The following TRIM25 variants were observed in gnomAD, a reference collection of about 807,000 sequenced individuals.
TRIM25 encodes tripartite motif containing 25.
TRIM25 carries 45 observed loss-of-function variants against 65.2 expected under a neutral mutation model. The ratio of observed to expected loss-of-function variants is 0.69; its 90% CI spans 0.54 to 0.89. TRIM25 has a LOEUF of 0.89. TRIM25 is among the 40% of genes least tolerant of loss of function. The pLI is 0.00. For synonymous variants in TRIM25, 321 were observed against 340.4 expected, an observed-to-expected ratio of 0.94 and a Z score of 0.63; for missense variants, 714 against 803.7, an observed-to-expected ratio of 0.89 and a Z score of 1.35.
chr17:56,899,161 G>A lies in TRIM25; in HGVS notation c.1107C>T (p.Asp369=). 6.2e-7 allele frequency: 1 copy of A among 1,614,024 alleles called. No individual in the cohort carries two copies. Among genetic ancestry groups the A allele is most frequent in the Non-Finnish European group, 8.5e-7 (1 of 1,179,990 alleles). Reference sequence around the variant, plus strand: ...GTGTGGATTTGTGTGTGGACGCTGGGTCATGCTCTCCAGGGTCACCTGTGT... The same window carrying A: ...GTGTGGATTTGTGTGTGGACGCTGGATCATGCTCTCCAGGGTCACCTGTGT... ...TPSSGDPGEH[D]PASTHKSTRP... Residue 369 remains aspartate, a synonymous_variant, in exon 5 of 9, where the codon GAC becomes GAT. Transcript: ENST00000316881.
At chr17:56,901,630 G>T (rs1452532132) in intron 3 of TRIM25, 52 bp from the exon 4 acceptor site, 1 of 1,606,968 alleles carries the variant, frequency 6.2e-7, no homozygotes, top group Admixed American at 1.7e-5. Flanking sequence ...ACGGGGACCT[G>T]GGCTCAGTCC....
At chr17:56,901,356 T>A (rs1190382779) in intron 4 of TRIM25, 63 bp downstream of exon 4, 7 of 1,546,174 alleles carry the variant, frequency 4.5e-6, no homozygotes, top group Non-Finnish European at 3.5e-6. Context: ...TCCCAAAACA[T>A]TTAGGGGACC....
In TRIM25 at chr17:56,890,629, A is replaced by G. The variant is rs929978768; in HGVS notation, c.*1071T>C. 4.4e-6 allele frequency: 2 copies of G among 456,544 alleles called. No individual in the cohort carries two copies. Among genetic ancestry groups the G allele is most frequent in the African/African-American group, 4.0e-5 (2 of 50,062 alleles). 28.3% of individuals were successfully genotyped at this position (456,544 alleles called of 1,614,324 possible). The stretch of plus-strand genomic sequence containing the variant: ...GGCAGCCGCATAGCCTGTCTGCATG[A>G]TAGCAGGCTTCAGGGATCCAGCTTA... On this transcript the variant is annotated 3_prime_UTR_variant, in exon 9 of 9. Transcript: ENST00000316881.
At position 56,900,739 on chromosome 17, in the gene TRIM25, G is replaced by A. The variant is rs931074904; in HGVS notation, c.1087+680C>T. Reference sequence around the variant, plus strand: ...CAGAGGAGAGTGGGGGGCGCCTTGGGGCTGGAGAGAGACCAACAGGGCTTG... The same window carrying A: ...CAGAGGAGAGTGGGGGGCGCCTTGGAGCTGGAGAGAGACCAACAGGGCTTG... On this transcript the variant is annotated intron_variant, in intron 4 of 8. Coordinates refer to ENST00000316881, the MANE Select transcript of TRIM25 (RefSeq NM_005082.5). 3.5e-4 allele frequency among the ~76,000 whole-genome samples: 53 copies of A among 152,196 alleles called. 1 individual carries two copies. Among genetic ancestry groups the A allele is most frequent in the Non-Finnish European group, 8.8e-5 (6 of 68,040 alleles).
chr17:56,894,539 C>G (rs995235482), intron 8 of TRIM25, among the ~76,000 whole-genome samples: 5 of 152,194 alleles, frequency 3.3e-5, no homozygotes, highest in South Asian at 2.1e-4. Context: ...CATGAGCCAC[C>G]GCACCCAGCT....
At position 56,889,561 on chromosome 17, in the gene TRIM25, A is replaced by G. The variant is rs961320586; in HGVS notation, c.*2139T>C. ...TGCACTCCTCAATTTACAACTCCAA[A>G]GCACCTTGCACAGAGCTTGGCTTTG... On this transcript the variant is annotated 3_prime_UTR_variant, in exon 9 of 9. Transcript: ENST00000316881. The G allele has an allele frequency of 1.5e-5, 6 of 392,740 alleles. No individual in the cohort carries two copies. Among genetic ancestry groups the G allele is most frequent in the Admixed American group, 1.3e-4 (3 of 22,514 alleles). 24.3% of individuals were successfully genotyped at this position (392,740 alleles called of 1,614,324 possible).
chr17:56,907,458 A>G (rs1268790445), intron 2 of TRIM25, among the ~76,000 whole-genome samples: 1 of 152,276 alleles, frequency 6.6e-6, no homozygotes, highest in Non-Finnish European at 1.5e-5. Flanking sequence ...AGTATGTGAC[A>G]GAGCTGGTAT....
chr17:56,912,130 AC>A (rs1378236637), intron 1 of TRIM25: 5 of 152,278 alleles, frequency 3.3e-5, no homozygotes, highest in African/African-American at 1.2e-4. Flanking sequence ...GTCTCCTCTG[AC>A]AACACGAAGA....
At chr17:56,898,165 C>T (rs949061654) in intron 5 of TRIM25, among the ~76,000 whole-genome samples, 7 of 151,858 alleles carry the variant, frequency 4.6e-5, no homozygotes, top group African/African-American at 9.7e-5. Flanking sequence ...GGCATGTCAG[C>T]GGTATATGGA....
intron 8 of TRIM25, among the ~76,000 whole-genome samples, chr17:56,894,854 C>T (rs1247106029): frequency 2.0e-5 from 3 of 152,152 alleles, no homozygotes; most frequent in Non-Finnish European, 4.4e-5. Context: ...AATAACAGAG[C>T]AGGGGGAGCC....
intron 1 of TRIM25, among the ~76,000 whole-genome samples, chr17:56,911,060 T>C (rs1909617368): frequency 6.6e-6 from 1 of 151,068 alleles, no homozygotes; most frequent in South Asian, 2.1e-4. Flanking sequence ...AGGTTGGGAG[T>C]TCAAGACCAG....
chr17:56,891,006 A>G lies in TRIM25; in HGVS notation c.*694T>C, dbSNP rs530981465. The G allele has an allele frequency of 1.2e-5, 5 of 429,238 alleles. No individual in the cohort carries two copies. Among genetic ancestry groups the G allele is most frequent in the East Asian group, 7.2e-5 (1 of 13,962 alleles). 26.6% of individuals were successfully genotyped at this position (429,238 alleles called of 1,614,324 possible). A position where few individuals can be genotyped will look rare whatever the true frequency, so the allele number is the denominator to read the frequency against. The stretch of plus-strand genomic sequence containing the variant: ...ACAAATCCAACACAGGCTGATTCCA[A>G]TCATGGTTTGAAGCTTTAGCTGAAA... On this transcript the variant is annotated 3_prime_UTR_variant, in exon 9 of 9. Coordinates refer to ENST00000316881, the MANE Select transcript of TRIM25 (RefSeq NM_005082.5).
chr17:56,913,481 C>T lies in TRIM25; in HGVS notation c.508G>A (p.Glu170Lys), dbSNP rs1216733443. 1 of 1,613,222 alleles carries T rather than the reference C, an allele frequency of 6.2e-7. No individual in the cohort carries two copies. Among genetic ancestry groups the T allele is most frequent in the Non-Finnish European group, 8.5e-7 (1 of 1,179,550 alleles). Residue 170 changes from glutamate (E) to lysine (K), a missense_variant, in exon 1 of 9, where the codon GAG becomes AAG. Physicochemically the swap from Glu to Lys is moderately conservative, Grantham distance 56. Transcript: ENST00000316881. The surrounding 1 kb of genome is among the most constrained non-coding windows in gnomAD (Gnocchi z 6.1). ...ATGTGGCAGATGCACTCGCTGTGCT[C>T]GGGGCAGAAAAATTCCCGCAGCCGA... Reference protein sequence around the residue: ...HNRLREFFCPEHSECICHICL... With the variant: ...HNRLREFFCPKHSECICHICL...
intron 7 of TRIM25, 30 bp downstream of exon 7, chr17:56,895,491 C>A (rs1467012855): frequency 2.5e-6 from 4 of 1,613,860 alleles, no homozygotes; most frequent in African/African-American, 2.7e-5. Flanking sequence ...AGAGTGGACA[C>A]CCCAAAGCTC....
Position 56,895,608 on chromosome 17 carries a change from G to A in TRIM25, c.1181-4C>T. On this transcript the variant is annotated splice_polypyrimidine_tract_variant and splice_region_variant and intron_variant, in intron 6 of 8. Coordinates refer to ENST00000316881, the MANE Select transcript of TRIM25 (RefSeq NM_005082.5). ...CTGGGTAAGGCAGGGACAGGGGCTG[G>A]GGGTAAGGAAAGGGAAATATGATAC... The A allele has an allele frequency of 6.4e-7, 1 of 1,552,638 alleles. No homozygotes were observed. The highest frequency in any genetic ancestry group is 8.7e-7 in the Non-Finnish European group (1 of 1,148,832).
rs778271291 is a variant in TRIM25, at chr17:56,904,415, T to G, written c.767A>C (p.Glu256Ala). ...TEMKALLDAS[E>A]TTSTRKIKEE... is the part of the protein sequence containing the mutation. ...CTTTATCTTCCTTGTCGAGGTGGTC[T>G]CTGAGGCGTCCAAGAGAGCCTTCAT... Residue 256 changes from glutamate to alanine, a missense_variant, in exon 3 of 9, where the codon GAG becomes GCG. Transcript: ENST00000316881. 2 of 1,614,172 alleles carry G rather than the reference T, an allele frequency of 1.2e-6. No homozygotes were observed. The highest frequency in any genetic ancestry group is 4.5e-5 in the East Asian group (2 of 44,880).
At chr17:56,897,850 C>G (rs936341901) in intron 5 of TRIM25, among the ~76,000 whole-genome samples, 1 of 152,182 alleles carries the variant, frequency 6.6e-6, no homozygotes, top group African/African-American at 2.4e-5. Context: ...TCTTTTCACA[C>G]AAAGTACCCT....
rs1445865441 is a variant in TRIM25 at position 56,890,755 on chromosome 17, A to G, written c.*945T>C. The G allele has an allele frequency of 4.4e-6, 2 of 456,530 alleles. No homozygotes were observed. The highest frequency in any genetic ancestry group is 8.8e-6 in the Non-Finnish European group (2 of 226,908). 28.3% of individuals were successfully genotyped at this position (456,530 alleles called of 1,614,324 possible). On this transcript the variant is annotated 3_prime_UTR_variant, in exon 9 of 9. Transcript: ENST00000316881. ...CTATCACCGAGAAGAGTTGTCAGTAAGAAGGCAGGACACTCTAACACGAGC... is the reference window on the plus strand; with the variant it reads ...CTATCACCGAGAAGAGTTGTCAGTAGGAAGGCAGGACACTCTAACACGAGC...
chr17:56,898,671 T>C (rs1372281485), intron 5 of TRIM25, among the ~76,000 whole-genome samples: 1 of 151,678 alleles, frequency 6.6e-6, no homozygotes, highest in Non-Finnish European at 1.5e-5. Context: ...CTCAAATGGT[T>C]CTGGGGATGA....
Sources: gnomAD v4.1 joint callset for allele counts (sites outside exome capture counted in the v4.1 genomes callset) on GRCh38, gnomAD v4.1.1 for gene constraint, Gnocchi (gnomAD v3.1) non-coding constraint, MANE v1.5 for transcripts, NCBI Gene and HGNC (gene_info 2026-07-23, HGNC 2026-07-21) for gene names.